Variants in KCNH8 observed in about 807,000 individuals in gnomAD.
KCNH8 encodes potassium voltage-gated channel subfamily H member 8, also known as voltage-gated delayed rectifier potassium channel KCNH8.
Under a neutral mutation model 103.6 loss-of-function variants are expected in KCNH8, and 70 were observed. The ratio of observed to expected loss-of-function variants is 0.68; its 90% confidence interval spans 0.56 to 0.82. The LOEUF is 0.82. Ranked by LOEUF, KCNH8 falls within the 40% of genes least tolerant of loss-of-function variation. The pLI is 0.00. For missense variants in KCNH8, 1,217 were observed against 1,329.9 expected (o/e 0.92, Z 1.32); for synonymous variants, 498 against 489.4 (o/e 1.02, Z -0.23).
At chr3:19,409,613 T>A (rs2066745170) in intron 7 of KCNH8, among the ~76,000 whole-genome samples, 1 of 151,922 alleles carries the variant, frequency 6.6e-6, no homozygotes, top group Non-Finnish European at 1.5e-5. Flanking sequence ...CTGCTCTCTT[T>A]TAGGGATCTG....
intron 5 of KCNH8, among the ~76,000 whole-genome samples, chr3:19,360,309 G>A (rs768087288): frequency 6.6e-6 from 1 of 152,070 alleles, no homozygotes. Context: ...TATAAATCAA[G>A]TGTGGTGGAT....
At chr3:19,301,966 T>C (rs375513173) in intron 3 of KCNH8, among the ~76,000 whole-genome samples, 10 of 152,208 alleles carry the variant, frequency 6.6e-5, no homozygotes, top group African/African-American at 2.4e-4. Flanking sequence ...GAGCTTCTGT[T>C]ACTGTGAACA....
At chr3:19,216,321 G>A (rs1219728083) in intron 1 of KCNH8, among the ~76,000 whole-genome samples, 2 of 152,198 alleles carry the variant, frequency 1.3e-5, no homozygotes, top group Non-Finnish European at 2.9e-5. Flanking sequence ...GACGAAGAGT[G>A]TTTGTGTTAC....
chr3:19,479,069 T>G (rs1035673916), intron 11 of KCNH8, among the ~76,000 whole-genome samples: 1 of 152,196 alleles, frequency 6.6e-6, no homozygotes, highest in Non-Finnish European at 1.5e-5. Flanking sequence ...TAGCTAATAA[T>G]TGGCAGGACT....
intron 7 of KCNH8, among the ~76,000 whole-genome samples, chr3:19,429,738 C>T (rs567888699): frequency 7.9e-5 from 12 of 152,294 alleles, no homozygotes; most frequent in Admixed American, 5.2e-4. Context: ...ACCCTCTGCC[C>T]TCTGAAAGGC....
intron 1 of KCNH8, among the ~76,000 whole-genome samples, chr3:19,153,417 G>A (rs779497135): frequency 1.1e-4 from 16 of 152,054 alleles, no homozygotes; most frequent in Non-Finnish European, 1.6e-4. Flanking sequence ...TCAGTTCAAA[G>A]GTCGTGGCAT....
chr3:19,253,195 G>T (rs113842441), intron 1 of KCNH8, among the ~76,000 whole-genome samples: 22 of 151,928 alleles, frequency 1.4e-4, no homozygotes, highest in African/African-American at 5.3e-4. Flanking sequence ...TTTCTTCCTG[G>T]AATCACCTCC....
chr3:19,375,932 C>T (rs974127916), intron 5 of KCNH8, among the ~76,000 whole-genome samples: 91 of 152,086 alleles, frequency 6.0e-4, no homozygotes, highest in Non-Finnish European at 4.4e-5. Context: ...GTCAGGGACC[C>T]ACTTGAGGAG....
intron 1 of KCNH8, among the ~76,000 whole-genome samples, chr3:19,185,316 A>G (rs941382928): frequency 1.2e-4 from 19 of 152,056 alleles, no homozygotes; most frequent in Non-Finnish European, 2.7e-4. Context: ...ATAGTCATTC[A>G]GGTGAGTGTA....
chr3:19,336,070 A>G (rs761636282), intron 3 of KCNH8, among the ~76,000 whole-genome samples: 1 of 151,406 alleles, frequency 6.6e-6, no homozygotes, highest in South Asian at 2.1e-4. Flanking sequence ...TTAAATTACT[A>G]TATTTATTTG....
At chr3:19,274,827 TTCCCTCCCCTCCCCA>T (rs2064640386) in intron 2 of KCNH8, among the ~76,000 whole-genome samples, 3 of 82,398 alleles carry the variant, frequency 3.6e-5, no homozygotes, top group Admixed American at 1.2e-4. Flanking sequence ...TTCCCTTCCC[TTCCCTCCCCTCCCCA>T]CCCCTCCCCT....
At chr3:19,396,492 G>A (rs564438337) in intron 7 of KCNH8, among the ~76,000 whole-genome samples, 1 of 152,108 alleles carries the variant, frequency 6.6e-6, no homozygotes, top group South Asian at 2.1e-4. Context: ...CAACTGATGT[G>A]TTCTTATAAT....
intron 7 of KCNH8, among the ~76,000 whole-genome samples, chr3:19,411,435 T>C (rs1022911370): frequency 2.0e-5 from 3 of 151,896 alleles, no homozygotes; most frequent in African/African-American, 2.4e-5. Flanking sequence ...AACTGAAAAC[T>C]TTCCCCTTGA....
chr3:19,377,570 G>A (rs952695736), intron 5 of KCNH8, among the ~76,000 whole-genome samples: 2 of 152,176 alleles, frequency 1.3e-5, no homozygotes, highest in Non-Finnish European at 2.9e-5. Flanking sequence ...GTATACAGAG[G>A]TGACCTCAAC....
chr3:19,366,622 A>G (rs1249382035), intron 5 of KCNH8, among the ~76,000 whole-genome samples: 2 of 152,000 alleles, frequency 1.3e-5, no homozygotes, highest in African/African-American at 2.4e-5. Flanking sequence ...GAGTTCTGCT[A>G]TGTCATTCTC....
chr3:19,254,285 A>G (rs1166095266), intron 2 of KCNH8, among the ~76,000 whole-genome samples: 1 of 152,104 alleles, frequency 6.6e-6, no homozygotes, highest in Non-Finnish European at 1.5e-5. Context: ...TCTCAATTCC[A>G]GTCATTAAAG....
rs1430666394 is a variant in KCNH8 at position 19,148,709 on chromosome 3, A to G, written c.-11A>G. The G allele has an allele frequency of 6.2e-7, 1 of 1,613,804 alleles. No individual in the cohort carries two copies. Among genetic ancestry groups the G allele is most frequent in the East Asian group, 2.2e-5 (1 of 44,864 alleles). On this transcript the variant is annotated 5_prime_UTR_variant, in exon 1 of 16. Coordinates refer to ENST00000328405, the MANE Select transcript of KCNH8 (RefSeq NM_144633.3). ...AAACTTTGATGGAGAATTTCACACC[A>G]CGCTGGAAAAATGCCGGTTATGAAA...
intron 7 of KCNH8, among the ~76,000 whole-genome samples, chr3:19,404,897 A>C (rs1196013808): frequency 6.6e-6 from 1 of 151,750 alleles, no homozygotes; most frequent in East Asian, 1.9e-4. Context: ...ACTAGGCTTC[A>C]TTTTTCTTCT....
intron 1 of KCNH8, among the ~76,000 whole-genome samples, chr3:19,177,954 A>G (rs2063416597): frequency 6.6e-6 from 1 of 152,140 alleles, no homozygotes; most frequent in Non-Finnish European, 1.5e-5. Context: ...GTCATTATAT[A>G]TTAGAAGGTG....
Sources: allele counts gnomAD v4.1 joint callset (sites outside exome capture counted in the v4.1 genomes callset), GRCh38; gene constraint gnomAD v4.1.1; transcripts MANE v1.5; gene names NCBI Gene and HGNC (gene_info 2026-07-23, HGNC 2026-07-21).